The following MSL2 variants were observed in gnomAD, a reference collection of about 807,000 sequenced individuals.
The protein encoded by MSL2 is MSL complex subunit 2.
A neutral mutation model predicts 35.8 loss-of-function variants in MSL2; 2 were observed. The observed-to-expected ratio is 0.06, with a 90% CI of 0.02 to 0.18. The LOEUF is 0.18. Among genes scored for constraint, MSL2 ranks in the 10% least tolerant of loss-of-function variants. The pLI is 1.00. For missense variants in MSL2, 523 were observed against 706.7 expected (o/e 0.74, Z 2.95); for synonymous variants, 296 against 255.7 (o/e 1.16, Z -1.50).
At chr3:136,158,018 GAAAATACAA>G (rs1374581791) in intron 1 of MSL2, among the ~76,000 whole-genome samples, 1 of 152,140 alleles carries the variant, frequency 6.6e-6, no homozygotes, top group Non-Finnish European at 1.5e-5. Flanking sequence ...CCAGACAAAA[GAAAATACAA>G]ACCGCCGGGA....
In MSL2 at chr3:136,186,043, G is replaced by A. The variant is rs570877556; in HGVS notation, c.142+8929C>T. ...TTAGCTCAATTACCACAACCATATC[G>A]CTAAAAATCCCTGAAGAATTCTTTA... On this transcript the variant is annotated intron_variant, in intron 1 of 1. Coordinates refer to ENST00000309993, the MANE Select transcript of MSL2 (RefSeq NM_018133.4). 1.1e-4 allele frequency among the ~76,000 whole-genome samples: 16 copies of A among 152,098 alleles called. No individual in the cohort carries two copies. The South Asian group carries it at 2.9e-3, about 28-fold the overall frequency.
intron 1 of MSL2, among the ~76,000 whole-genome samples, chr3:136,158,568 G>A (rs1018804625): frequency 6.6e-6 from 1 of 152,082 alleles, no homozygotes; most frequent in African/African-American, 2.4e-5. Context: ...AAGGATGCCT[G>A]CTGTTGCCAC....
chr3:136,162,126 C>T (rs2108068245), intron 1 of MSL2, among the ~76,000 whole-genome samples: 1 of 151,734 alleles, frequency 6.6e-6, no homozygotes, highest in South Asian at 2.1e-4. Flanking sequence ...TTAGTAGAGA[C>T]GGGGTCTCAC....
intron 1 of MSL2, among the ~76,000 whole-genome samples, chr3:136,175,732 G>A (rs986583772): frequency 2.8e-4 from 43 of 152,052 alleles, no homozygotes; most frequent in African/African-American, 7.2e-4. Context: ...AACAATAACC[G>A]TTTCATAATC....
Position 136,149,427 on chromosome 3 carries a change from AAAGAC to A in MSL2, c.*1715_*1719del, listed in dbSNP as rs1396422300. The A allele has an allele frequency of 5.2e-5, 8 of 152,582 alleles. No individual in the cohort carries two copies. Among genetic ancestry groups the A allele is most frequent in the African/African-American group, 9.7e-5 (4 of 41,446 alleles). The allele number at this position is 152,582 out of a possible 1,614,324, so 9.5% of individuals were successfully genotyped here. ...AAATTCCAAATCTTGGAAAGCAAAT[AAAGAC>A]AAGACAACTAAGAAGCATTTTCCAC... On this transcript the variant is annotated 3_prime_UTR_variant, in exon 2 of 2. Coordinates refer to ENST00000309993, the MANE Select transcript of MSL2 (RefSeq NM_018133.4).
At position 136,195,425 on chromosome 3, in the gene MSL2, G is replaced by T; in HGVS notation, c.-312C>A. ...GCTTGGGCGCTCGGGGCGGGACTCG[G>T]AGCTCAGTCTAGCCCCGCGGCTCGG... On this transcript the variant is annotated 5_prime_UTR_variant, in exon 1 of 2. Coordinates refer to ENST00000309993, the MANE Select transcript of MSL2 (RefSeq NM_018133.4). 1 of 1,119,568 alleles carries T rather than the reference G, an allele frequency of 8.9e-7. No individual in the cohort carries two copies. The highest frequency in any genetic ancestry group is 1.1e-6 in the Non-Finnish European group (1 of 913,280). 69.4% of individuals were successfully genotyped at this position (1,119,568 alleles called of 1,614,324 possible).
In MSL2 at chr3:136,151,085, C is replaced by T; in HGVS notation, c.*62G>A. On this transcript the variant is annotated 3_prime_UTR_variant, in exon 2 of 2. Coordinates refer to ENST00000309993, the MANE Select transcript of MSL2 (RefSeq NM_018133.4). This position sits in a 1 kb window ranked among gnomAD's most constrained non-coding sequence, Gnocchi z 5.2. ...CTCCGGCAAGTTAAACCAACAGAAC[C>T]ATAGCTGCCGTAAAACTGTAGCTAT... 6.5e-7 allele frequency: 1 copy of T among 1,547,104 alleles called. No homozygotes were observed. The highest frequency in any genetic ancestry group is 1.2e-5 in the South Asian group (1 of 82,708).
chr3:136,152,121 A>G lies in MSL2; in HGVS notation c.760T>C (p.Cys254Arg). Residue 254 changes from cysteine to arginine, a missense_variant, in exon 2 of 2, where the codon TGC (cysteine) becomes CGC (arginine). By Grantham distance (180) the Cys-to-Arg change is radical. Transcript: ENST00000309993. ...GGTTTTATATCTTCACTGAAACTGCAGATATCAATGCCTGTGGAACATAAG... is the reference window on the plus strand; with the variant it reads ...GGTTTTATATCTTCACTGAAACTGCGGATATCAATGCCTGTGGAACATAAG... ...TDLCSTGIDI[C>R]SFSEDIKPGD... 1 of 1,614,222 alleles carries G rather than the reference A, an allele frequency of 6.2e-7. No homozygotes were observed. The highest frequency in any genetic ancestry group is 8.5e-7 in the Non-Finnish European group (1 of 1,180,040).
intron 1 of MSL2, among the ~76,000 whole-genome samples, chr3:136,169,315 A>G (rs555885840): frequency 7.0e-6 from 1 of 141,994 alleles, no homozygotes; most frequent in African/African-American, 2.6e-5. Flanking sequence ...GGTACACGTG[A>G]TATTCTGACA....
At chr3:136,186,413 T>C (rs1394715660) in intron 1 of MSL2, among the ~76,000 whole-genome samples, 3 of 152,222 alleles carry the variant, frequency 2.0e-5, no homozygotes, top group African/African-American at 7.2e-5. Context: ...CTCCAGGTTA[T>C]GGACAGGCTC....
intron 1 of MSL2, among the ~76,000 whole-genome samples, chr3:136,183,159 G>A (rs192887915): frequency 2.0e-5 from 3 of 152,168 alleles, no homozygotes; most frequent in East Asian, 3.9e-4. Flanking sequence ...ACCAGGCCAA[G>A]AAAGAAGCAG....
chr3:136,179,383 A>C (rs1251420669), intron 1 of MSL2, among the ~76,000 whole-genome samples: 1 of 152,040 alleles, frequency 6.6e-6, no homozygotes, highest in Non-Finnish European at 1.5e-5. Context: ...GGGTCTCACT[A>C]TACTGCCCAA....
intron 1 of MSL2, among the ~76,000 whole-genome samples, chr3:136,175,267 C>A (rs374066816): frequency 1.3e-5 from 2 of 151,906 alleles, no homozygotes; most frequent in South Asian, 2.1e-4. Flanking sequence ...TCACTTCAAC[C>A]CAGGAGGCGG....
chr3:136,194,233 A>T (rs1227579797), intron 1 of MSL2, among the ~76,000 whole-genome samples: 1 of 152,230 alleles, frequency 6.6e-6, no homozygotes, highest in Non-Finnish European at 1.5e-5. Flanking sequence ...CACTTTTGAG[A>T]TATTTTCCTT....
rs573216716 is a variant in MSL2, at chr3:136,149,941, T to A, written c.*1206A>T. 1 of 152,790 alleles carries A rather than the reference T, an allele frequency of 6.5e-6. No homozygotes were observed. Among genetic ancestry groups the A allele is most frequent in the South Asian group, 2.1e-4 (1 of 4,832 alleles). 9.5% of individuals were successfully genotyped at this position (152,790 alleles called of 1,614,324 possible). A position where few individuals can be genotyped will look rare whatever the true frequency, so the allele number is the denominator to read the frequency against. Reference sequence around the variant, plus strand: ...TACACCTAGTCAGTCCTTGTTTTATTTGGGCTGTGCTCTTTCAAGCAACTG... The same window carrying A: ...TACACCTAGTCAGTCCTTGTTTTATATGGGCTGTGCTCTTTCAAGCAACTG... On this transcript the variant is annotated 3_prime_UTR_variant, in exon 2 of 2. Coordinates refer to ENST00000309993, the MANE Select transcript of MSL2 (RefSeq NM_018133.4).
Position 136,195,476 on chromosome 3 carries a change from C to T in MSL2, c.-363G>A. 1 of 1,021,898 alleles carries T rather than the reference C, an allele frequency of 9.8e-7. No homozygotes were observed. The highest frequency in any genetic ancestry group is 1.2e-6 in the Non-Finnish European group (1 of 853,310). The allele number at this position is 1,021,898 out of a possible 1,614,324, so 63.3% of individuals were successfully genotyped here. On this transcript the variant is annotated 5_prime_UTR_variant, in exon 1 of 2. Coordinates refer to ENST00000309993, the MANE Select transcript of MSL2 (RefSeq NM_018133.4). Reference sequence around the variant, plus strand: ...CAGGCGGCCTGCACTCGAGCTCCATCTCCGGACACGGAGGCGCCTCCTCAA... The same window carrying T: ...CAGGCGGCCTGCACTCGAGCTCCATTTCCGGACACGGAGGCGCCTCCTCAA...
intron 1 of MSL2, among the ~76,000 whole-genome samples, chr3:136,185,678 G>A (rs1316496712): frequency 6.6e-6 from 1 of 151,770 alleles, no homozygotes; most frequent in Non-Finnish European, 1.5e-5. Context: ...GCTAATTTTT[G>A]TATTTTTAGT....
chr3:136,191,324 G>A (rs1033715974), intron 1 of MSL2, among the ~76,000 whole-genome samples: 3 of 151,998 alleles, frequency 2.0e-5, no homozygotes, highest in Admixed American at 6.6e-5. Context: ...AAAATTAGCT[G>A]GGTGTGGTGG....
chr3:136,153,780 A>G (rs1472947961), intron 1 of MSL2, among the ~76,000 whole-genome samples: 1 of 146,722 alleles, frequency 6.8e-6, no homozygotes, highest in Non-Finnish European at 1.5e-5. Flanking sequence ...ATAGAGCGAG[A>G]CTTAGTCTCA....
Sources: gnomAD v4.1 joint callset for allele counts (sites outside exome capture counted in the v4.1 genomes callset) on GRCh38, gnomAD v4.1.1 for gene constraint, Gnocchi (gnomAD v3.1) non-coding constraint, MANE v1.5 for transcripts, NCBI Gene and HGNC (gene_info 2026-07-23, HGNC 2026-07-21) for gene names.